Variants in PTPN7 observed in about 807,000 individuals in gnomAD.
The protein encoded by PTPN7 is protein tyrosine phosphatase non-receptor type 7.
PTPN7 carries 33 observed loss-of-function variants against 50.3 expected under a neutral mutation model. The observed-to-expected ratio is 0.66, with a 90% CI of 0.50 to 0.88. The LOEUF (loss-of-function observed/expected upper bound fraction) is 0.88, where lower values mean the gene tolerates loss of function less well. PTPN7 is among the 40% of genes least tolerant of loss of function. The probability of loss-of-function intolerance (pLI) is 0.00; values close to 1 mark genes in which losing one functional copy is unlikely to be tolerated. For synonymous variants in PTPN7, 185 were observed against 186.6 expected (o/e 0.99, Z 0.07); for missense variants, 412 against 475.4 (o/e 0.87, Z 1.24).
At chr1:202,160,993 C>T, upstream of PTPN7, 4 of 1,424,842 alleles carry the variant, frequency 2.8e-6, no homozygotes, top group Non-Finnish European at 3.7e-6. The surrounding 1 kb of genome is among the most constrained non-coding windows in gnomAD (Gnocchi z 4.8). Flanking sequence ...TTCTCCTTCT[C>T]TGCTTCTGCC....
chr1:202,158,425 AT>A, intron 2 of PTPN7, 124 bp from the exon 3 acceptor site: 2 of 1,011,490 alleles, frequency 2.0e-6, no homozygotes, highest in Non-Finnish European at 2.8e-6. Flanking sequence ...TGATGGCACT[AT>A]TATGGCTCAC....
upstream of PTPN7, chr1:202,161,025 C>T: frequency 7.2e-7 from 1 of 1,395,672 alleles, no homozygotes; most frequent in Non-Finnish European, 9.2e-7. Context: ...TCCCTCAAGG[C>T]CCTCTCCCTC....
chr1:202,160,269 G>GGGACAGAAT lies in PTPN7; in HGVS notation c.-53+267_-53+275dup, dbSNP rs1462248427. On this transcript the variant is annotated intron_variant, in intron 1 of 9. Transcript: ENST00000691036. This position sits in a 1 kb window ranked among gnomAD's most constrained non-coding sequence, Gnocchi z 4.8. Reference sequence around the variant, plus strand: ...CCAAGGCAGCAGGGACGGAGGTGAGGGGACAGAATGGGCCTGGCACAGGTG... The same window carrying GGGACAGAAT: ...CCAAGGCAGCAGGGACGGAGGTGAGGGGACAGAATGGACAGAATGGGCCTGGCACAGGTG... Among the ~76,000 whole-genome samples, 1 of 152,122 alleles carries GGGACAGAAT rather than the reference G, an allele frequency of 6.6e-6. No homozygotes were observed. Among genetic ancestry groups the GGGACAGAAT allele is most frequent in the African/African-American group, 2.4e-5 (1 of 41,404 alleles).
chr1:202,152,433 G>A (rs1656115000), intron 8 of PTPN7, 109 bp downstream of exon 8: 6 of 1,304,982 alleles, frequency 4.6e-6, no homozygotes, highest in African/African-American at 3.0e-5. Flanking sequence ...TCTGAGTAAG[G>A]ACTAGGCTTG....
chr1:202,149,740 T>C (rs907846649), intron 9 of PTPN7: 8 of 152,240 alleles, frequency 5.3e-5, no homozygotes, highest in Admixed American at 3.9e-4. Context: ...CTCCACCCAG[T>C]GATCTTCTTT....
At chr1:202,154,790 T>C (rs914715045) in intron 5 of PTPN7, among the ~76,000 whole-genome samples, 2 of 152,222 alleles carry the variant, frequency 1.3e-5, no homozygotes, top group African/African-American at 4.8e-5. Context: ...GTTACTACTT[T>C]TCTATGAAAG....
rs1656351364 is a variant in PTPN7 at position 202,153,978 on chromosome 1, G to C, written c.607-143C>G. On this transcript the variant is annotated intron_variant, in intron 6 of 9. Coordinates refer to ENST00000691036, the MANE Select transcript of PTPN7 (RefSeq NM_002832.4). ...CAGGGAGCCTGGCTCTTCTGAGCTTGATACCTGCAAGCAGAGTGCTCACCC... is the reference window on the plus strand; with the variant it reads ...CAGGGAGCCTGGCTCTTCTGAGCTTCATACCTGCAAGCAGAGTGCTCACCC... 2.9e-5 allele frequency: 29 copies of C among 984,886 alleles called. No individual in the cohort carries two copies. In the South Asian group the frequency reaches 4.0e-4, roughly 14 times the overall value. 61.0% of individuals were successfully genotyped at this position (984,886 alleles called of 1,614,324 possible).
At chr1:202,157,490 C>T (rs551037793) in intron 4 of PTPN7, among the ~76,000 whole-genome samples, 2 of 149,934 alleles carry the variant, frequency 1.3e-5, no homozygotes, top group East Asian at 1.9e-4. Flanking sequence ...GCCTGGGTGA[C>T]GAGAGTGAAA....
intron 9 of PTPN7, 28 bp from the exon 10 acceptor site, chr1:202,148,727 G>C (rs771366642): frequency 1.2e-6 from 2 of 1,600,162 alleles, no homozygotes; most frequent in Non-Finnish European, 1.7e-6. Context: ...CAGACCATGA[G>C]TGAAGGAGGG....
Position 202,154,172 on chromosome 1 carries a change from G to A in PTPN7, c.606+14C>T, listed in dbSNP as rs755746396. 5.1e-5 allele frequency: 82 copies of A among 1,613,698 alleles called. No individual in the cohort carries two copies. Among genetic ancestry groups the A allele is most frequent in the Middle Eastern group, 1.7e-4 (1 of 5,914 alleles). On this transcript the variant is annotated intron_variant, in intron 6 of 9. Coordinates refer to ENST00000691036, the MANE Select transcript of PTPN7 (RefSeq NM_002832.4). ...CTTTCTGGGTTCATCATGAACTGTG[G>A]CTCTGCCTCCTACCTCCTTGCCCTC...
At chr1:202,155,792 T>C (rs971071851) in intron 4 of PTPN7, among the ~76,000 whole-genome samples, 183 bp from the exon 5 acceptor site, 11 of 152,198 alleles carry the variant, frequency 7.2e-5, no homozygotes, top group Admixed American at 2.6e-4. Context: ...CAGGGTCTCA[T>C]TCTGTTGCCT....
chr1:202,155,445 C>G (rs1656549415), intron 5 of PTPN7, 88 bp downstream of exon 5: 4 of 1,310,230 alleles, frequency 3.1e-6, no homozygotes, highest in Non-Finnish European at 4.3e-6. Context: ...AATGCAGGCA[C>G]CTGATCCACC....
chr1:202,161,344 C>T, upstream of PTPN7: 1 of 1,201,782 alleles, frequency 8.3e-7, no homozygotes, highest in African/African-American at 1.6e-5. Flanking sequence ...CAGCCCCCTG[C>T]AGGCCTCCTC....
Position 202,159,232 on chromosome 1 carries a change from G to A in PTPN7, c.122+49C>T. 2 of 1,571,164 alleles carry A rather than the reference G, an allele frequency of 1.3e-6. No homozygotes were observed. Among genetic ancestry groups the A allele is most frequent in the Non-Finnish European group, 1.7e-6 (2 of 1,144,560 alleles). On this transcript the variant is annotated intron_variant, in intron 2 of 9. Coordinates refer to ENST00000691036, the MANE Select transcript of PTPN7 (RefSeq NM_002832.4). The surrounding 1 kb of genome is among the most constrained non-coding windows in gnomAD (Gnocchi z 4.6). ...GGCAGATGGAAGGAAGGGAGGAGCG[G>A]AATGGGGGCTCAGGGCTCGGAAGAC...
At position 202,153,824 on chromosome 1, in the gene PTPN7, G is replaced by C; in HGVS notation, c.618C>G (p.His206Gln). The C allele has an allele frequency of 6.2e-7, 1 of 1,613,616 alleles. No individual in the cohort carries two copies. Among genetic ancestry groups the C allele is most frequent in the Non-Finnish European group, 8.5e-7 (1 of 1,179,524 alleles). Residue 206 changes from histidine to glutamine, a missense_variant, in exon 7 of 10, where the codon CAC becomes CAG. Transcript: ENST00000691036. The stretch of plus-strand genomic sequence containing the variant: ...AGGTTTCCTCTTCTGTGGGCCAGTA[G>C]TGGACACATTTCTAGGAGGGAGGGA... ...QLREGKEKCV[H>Q]YWPTEEETYG...
intron 8 of PTPN7, 24 bp from the exon 9 acceptor site, chr1:202,150,448 A>G: frequency 1.9e-6 from 3 of 1,577,234 alleles, no homozygotes; most frequent in South Asian, 2.3e-5. Flanking sequence ...GGGAGGGGAC[A>G]GGGAGGTCAT....
At position 202,160,501 on chromosome 1, in the gene PTPN7, C is replaced by A; in HGVS notation, c.-53+44G>T. 6.6e-7 allele frequency: 1 copy of A among 1,512,296 alleles called. No homozygotes were observed. The highest frequency in any genetic ancestry group is 8.9e-7 in the Non-Finnish European group (1 of 1,119,614). 93.7% of individuals were successfully genotyped at this position (1,512,296 alleles called of 1,614,324 possible). A position where few individuals can be genotyped will look rare whatever the true frequency, so the allele number is the denominator to read the frequency against. Reference sequence around the variant, plus strand: ...CCTCTTATATCCCCGGAGTTCGCACCCCCCGGGGCCACAGGACTCCCAGTC... The same window carrying A: ...CCTCTTATATCCCCGGAGTTCGCACACCCCGGGGCCACAGGACTCCCAGTC... On this transcript the variant is annotated intron_variant, in intron 1 of 9. Coordinates refer to ENST00000691036, the MANE Select transcript of PTPN7 (RefSeq NM_002832.4). This position sits in a 1 kb window ranked among gnomAD's most constrained non-coding sequence, Gnocchi z 4.8.
At position 202,159,587 on chromosome 1, in the gene PTPN7, C is replaced by T; in HGVS notation, c.-52-133G>A. The T allele has an allele frequency of 2.7e-6, 4 of 1,490,078 alleles. No individual in the cohort carries two copies. The South Asian group carries it at 4.1e-5, about 15-fold the overall frequency. The allele number at this position is 1,490,078 out of a possible 1,614,324, so 92.3% of individuals were successfully genotyped here. On this transcript the variant is annotated intron_variant, in intron 1 of 9. Coordinates refer to ENST00000691036, the MANE Select transcript of PTPN7 (RefSeq NM_002832.4). The surrounding 1 kb of genome is among the most constrained non-coding windows in gnomAD (Gnocchi z 4.6). ...GTTCCCCAAGAGGTGGCCTCATTTT[C>T]ACTAAGGGAAGGACAGGATCTATTT...
At chr1:202,153,942 G>A (rs1036137640) in intron 6 of PTPN7, 107 bp from the exon 7 acceptor site, 22 of 1,053,216 alleles carry the variant, frequency 2.1e-5, no homozygotes, top group African/African-American at 7.8e-5. Context: ...TACTGGATGG[G>A]AGGTCAGCAA....
Sources: allele counts gnomAD v4.1 joint callset (sites outside exome capture counted in the v4.1 genomes callset), GRCh38; gene constraint gnomAD v4.1.1; non-coding constraint Gnocchi (gnomAD v3.1); transcripts MANE v1.5; gene names NCBI Gene and HGNC (gene_info 2026-07-23, HGNC 2026-07-21).